NRG3: variants seen among roughly 807,000 people sequenced by gnomAD.
NRG3 encodes neuregulin 3, also known as pro-neuregulin-3, membrane-bound isoform.
NRG3 carries 31 observed loss-of-function variants against 66.9 expected under a neutral mutation model. The observed-to-expected ratio is 0.46, with a 90% confidence interval of 0.35 to 0.63. The LOEUF is 0.63. Ranked by LOEUF, NRG3 falls within the 20% of genes least tolerant of loss-of-function variation. The probability of loss-of-function intolerance (pLI) is 0.00; values close to 1 mark genes in which losing one functional copy is unlikely to be tolerated. For missense variants in NRG3, 910 were observed against 878.9 expected (o/e 1.04, Z -0.45); for synonymous variants, 393 against 359.4 (o/e 1.09, Z -1.06).
intron 2 of NRG3, among the ~76,000 whole-genome samples, chr10:82,525,451 G>T (rs897705182): frequency 6.6e-6 from 1 of 151,736 alleles, no homozygotes; most frequent in Non-Finnish European, 1.5e-5. Flanking sequence ...ATCAGCTTTC[G>T]TATTCATTTC....
chr10:82,256,535 C>T (rs2077737340), intron 1 of NRG3, among the ~76,000 whole-genome samples: 1 of 152,122 alleles, frequency 6.6e-6, no homozygotes, highest in Non-Finnish European at 1.5e-5. Flanking sequence ...GGCTTGCACT[C>T]CCTCTTTCTC....
chr10:82,700,119 A>C (rs1360005104), intron 2 of NRG3, among the ~76,000 whole-genome samples: 1 of 152,160 alleles, frequency 6.6e-6, no homozygotes, highest in Admixed American at 6.6e-5. Context: ...ACTTACTTTC[A>C]GCGCTTGACA....
At chr10:82,409,407 C>T (rs2087875242) in intron 2 of NRG3, among the ~76,000 whole-genome samples, 1 of 152,086 alleles carries the variant, frequency 6.6e-6, no homozygotes, top group South Asian at 2.1e-4. Flanking sequence ...ATTAAGAACA[C>T]ATGAGATCAT....
At chr10:82,265,624 T>C (rs995167942) in intron 1 of NRG3, among the ~76,000 whole-genome samples, 12 of 152,182 alleles carry the variant, frequency 7.9e-5, no homozygotes, top group Admixed American at 6.5e-4. Flanking sequence ...ACATGAACAT[T>C]GGAGAATGGC....
chr10:82,458,294 T>A (rs1325346967), intron 2 of NRG3, among the ~76,000 whole-genome samples: 1 of 152,222 alleles, frequency 6.6e-6, no homozygotes, highest in Non-Finnish European at 1.5e-5. Context: ...GAAACTCTTC[T>A]AAGAAGAGTG....
At chr10:82,264,935 T>C (rs1176208824) in intron 1 of NRG3, among the ~76,000 whole-genome samples, 1 of 152,158 alleles carries the variant, frequency 6.6e-6, no homozygotes, top group Non-Finnish European at 1.5e-5. Context: ...AAGTCTTGCC[T>C]TTCACTTGAT....
At chr10:82,354,718 A>C (rs1324955795) in intron 1 of NRG3, among the ~76,000 whole-genome samples, 1 of 152,054 alleles carries the variant, frequency 6.6e-6, no homozygotes, top group Non-Finnish European at 1.5e-5. Context: ...GTAAATTCCT[A>C]TTCCGTGCCT....
chr10:82,020,260 A>G (rs1361764407), intron 1 of NRG3, among the ~76,000 whole-genome samples: 2 of 152,170 alleles, frequency 1.3e-5, no homozygotes. Flanking sequence ...AAGAAATCAC[A>G]TATTTGTAGA....
chr10:82,433,346 T>G (rs1467669656), intron 2 of NRG3, among the ~76,000 whole-genome samples: 1 of 152,182 alleles, frequency 6.6e-6, no homozygotes, highest in Non-Finnish European at 1.5e-5. Flanking sequence ...TTTAAGTTCC[T>G]TGTAAATTCT....
chr10:82,313,150 C>G (rs1444316162), intron 1 of NRG3, among the ~76,000 whole-genome samples: 1 of 151,984 alleles, frequency 6.6e-6, no homozygotes, highest in African/African-American at 2.4e-5. Flanking sequence ...TGCACTCTAC[C>G]TGACAGAGCG....
chr10:82,174,351 T>C (rs972541168), intron 1 of NRG3, among the ~76,000 whole-genome samples: 10 of 152,064 alleles, frequency 6.6e-5, no homozygotes, highest in Non-Finnish European at 8.8e-5. Flanking sequence ...GCCACTTAAA[T>C]TTTCCTTGTT....
intron 3 of NRG3, among the ~76,000 whole-genome samples, chr10:82,802,180 G>A (rs1425831676): frequency 6.6e-6 from 1 of 152,172 alleles, no homozygotes; most frequent in Non-Finnish European, 1.5e-5. Context: ...GTTAAAGAAT[G>A]TTTGATTGGG....
intron 1 of NRG3, among the ~76,000 whole-genome samples, chr10:81,948,730 G>A (rs965100960): frequency 2.0e-5 from 3 of 152,186 alleles, no homozygotes; most frequent in African/African-American, 7.2e-5. Flanking sequence ...TGAAGTTAGA[G>A]GGCAACCTAT....
At chr10:82,494,756 G>A (rs1214503359) in intron 2 of NRG3, among the ~76,000 whole-genome samples, 6 of 152,030 alleles carry the variant, frequency 3.9e-5, no homozygotes, top group Admixed American at 1.3e-4. Flanking sequence ...CAGTGTGTAT[G>A]TGGTGACTTG....
intron 2 of NRG3, among the ~76,000 whole-genome samples, chr10:82,704,653 A>G (rs563432975): frequency 6.6e-6 from 1 of 152,294 alleles, no homozygotes; most frequent in Non-Finnish European, 1.5e-5. Context: ...TTTCACTGCC[A>G]ATGTTTCATA....
intron 2 of NRG3, among the ~76,000 whole-genome samples, chr10:82,735,420 A>G (rs2058105700): frequency 6.6e-6 from 1 of 152,190 alleles, no homozygotes; most frequent in African/African-American, 2.4e-5. Flanking sequence ...ACAGAGTAGA[A>G]AGATAATAGA....
Position 82,747,960 on chromosome 10 carries a change from A to G in NRG3, c.1027+9310A>G, listed in dbSNP as rs1430604501. The stretch of plus-strand genomic sequence containing the variant: ...AATTTATGTTAGTGTGTAGTTTTAT[A>G]TTAAGAGTAATATGTTTAAAAACAC... On this transcript the variant is annotated intron_variant, in intron 3 of 8. Coordinates refer to ENST00000372141, the MANE Select transcript of NRG3 (RefSeq NM_001010848.4). 3.3e-5 allele frequency among the ~76,000 whole-genome samples: 5 copies of G among 151,648 alleles called. No individual in the cohort carries two copies. The South Asian group carries it at 8.3e-4, about 25-fold the overall frequency.
At chr10:82,460,370 T>A (rs1028404974) in intron 2 of NRG3, among the ~76,000 whole-genome samples, 2 of 152,236 alleles carry the variant, frequency 1.3e-5, no homozygotes, top group Non-Finnish European at 2.9e-5. Flanking sequence ...TTAAAAGTTG[T>A]AGTTATGACT....
rs190835903 is a variant in NRG3, at chr10:82,606,766, C to T, written c.954-131811C>T. On this transcript the variant is annotated intron_variant, in intron 2 of 8. Transcript: ENST00000372141. ...TTCCTATAGATAGAATCTCTGACAC[C>T]GAACATTTTTACCCAAAAATTGCTA... Among the ~76,000 whole-genome samples the T allele has an allele frequency of 9.2e-5, 14 of 152,210 alleles. No individual in the cohort carries two copies. The East Asian group carries it at 1.4e-3, about 15-fold the overall frequency.
Sources: gnomAD v4.1 joint callset for allele counts (sites outside exome capture counted in the v4.1 genomes callset) on GRCh38, gnomAD v4.1.1 for gene constraint, MANE v1.5 for transcripts, NCBI Gene and HGNC (gene_info 2026-07-23, HGNC 2026-07-21) for gene names.